Variants in RDX observed in about 807,000 individuals in gnomAD.
RDX encodes the protein deafness, autosomal recessive 24.
A neutral mutation model predicts 83.7 loss-of-function variants in RDX; 32 were observed. The observed-to-expected ratio is 0.38, with a 90% CI of 0.29 to 0.51. The LOEUF (loss-of-function observed/expected upper bound fraction) is 0.51, where lower values mean the gene tolerates loss of function less well. RDX is among the 20% of genes least tolerant of loss of function. The probability of loss-of-function intolerance (pLI) is 0.87; values close to 1 mark genes in which losing one functional copy is unlikely to be tolerated. For missense variants in RDX, 600 were observed against 689.9 expected (o/e 0.87, Z 1.46); for synonymous variants, 229 against 222.7 (o/e 1.03, Z -0.25).
downstream of RDX, chr11:110,229,350 A>T (rs542399418): frequency 6.6e-6 from 1 of 152,518 alleles, no homozygotes; most frequent in South Asian, 2.1e-4. Flanking sequence ...TCTACTTCTT[A>T]CTTTTAAGTT....
chr11:110,215,716 C>T lies in RDX; in HGVS notation c.1749-16038G>A, dbSNP rs191095674. Among the ~76,000 whole-genome samples the T allele has an allele frequency of 2.4e-4, 36 of 152,308 alleles. No homozygotes were observed. In the East Asian group the frequency reaches 5.6e-3, roughly 24 times the overall value. On this transcript the variant is annotated intron_variant, in intron 14 of 15. Transcript: ENST00000528498. Reference sequence around the variant, plus strand: ...TCCTTCCAAGAGCAAGTAAACATGTCTCAGTTGGCTTTAAACTGGAAAGGT... The same window carrying T: ...TCCTTCCAAGAGCAAGTAAACATGTTTCAGTTGGCTTTAAACTGGAAAGGT...
At chr11:110,254,797 T>C (rs1859478339) in intron 8 of RDX, among the ~76,000 whole-genome samples, 1 of 152,144 alleles carries the variant, frequency 6.6e-6, no homozygotes. Context: ...ACTTTTACCT[T>C]TTCAGTAACT....
chr11:110,279,608 T>C (rs1175195827), intron 2 of RDX, 73 bp downstream of exon 2: 2 of 1,000,554 alleles, frequency 2.0e-6, no homozygotes, highest in Admixed American at 1.8e-5. Flanking sequence ...CCAACATTCT[T>C]TGTCTTGTTC....
intron 13 of RDX, 141 bp from the exon 14 acceptor site, chr11:110,232,174 A>G: frequency 1.4e-6 from 1 of 707,146 alleles, no homozygotes; most frequent in South Asian, 1.7e-5. Flanking sequence ...AGTTTGTTTT[A>G]GTAATAGTGG....
In RDX at chr11:110,230,771, A is replaced by C. The variant is rs932980025; in HGVS notation, c.*1098T>G. ...ATTTAGCACTCTTAAGATATTCTGA[A>C]GGAAAATGAAATTTCGAAAGTATTT... On this transcript the variant is annotated 3_prime_UTR_variant, in exon 14 of 14. Transcript: ENST00000645495. 1 of 152,622 alleles carries C rather than the reference A, an allele frequency of 6.6e-6. No homozygotes were observed. The highest frequency in any genetic ancestry group is 1.5e-5 in the Non-Finnish European group (1 of 68,022). The allele number at this position is 152,622 out of a possible 1,614,324, so 9.5% of individuals were successfully genotyped here. A position where few individuals can be genotyped will look rare whatever the true frequency, so the allele number is the denominator to read the frequency against.
chr11:110,203,973 T>C (rs1195444607), intron 14 of RDX, among the ~76,000 whole-genome samples: 3 of 152,094 alleles, frequency 2.0e-5, no homozygotes, highest in African/African-American at 7.2e-5. Context: ...GCCTGGGAAA[T>C]GGAGGGTGCA....
At chr11:110,214,184 G>T (rs61900217) in intron 14 of RDX, among the ~76,000 whole-genome samples, 1 of 151,402 alleles carries the variant, frequency 6.6e-6, no homozygotes, top group Non-Finnish European at 1.5e-5. Flanking sequence ...GGAGAAGGAC[G>T]TGAACAGACA....
chr11:110,273,191 C>T (rs1860371845), intron 2 of RDX: 4 of 422,216 alleles, frequency 9.5e-6, no homozygotes, highest in Admixed American at 7.9e-5. Context: ...TCAGCCTGCA[C>T]AACAGAGCAA....
At chr11:110,213,243 C>T (rs1273826183) in intron 14 of RDX, among the ~76,000 whole-genome samples, 1 of 146,998 alleles carries the variant, frequency 6.8e-6, no homozygotes, top group African/African-American at 2.5e-5. Context: ...TTCACAATTG[C>T]TTCAAAGAAA....
At chr11:110,178,017 C>T (rs1036572197) in intron 15 of RDX, among the ~76,000 whole-genome samples, 1 of 152,144 alleles carries the variant, frequency 6.6e-6, no homozygotes, top group African/African-American at 2.4e-5. Flanking sequence ...CACACAGTGA[C>T]ATCCCAGGTC....
At chr11:110,202,770 T>C (rs926097957) in intron 14 of RDX, among the ~76,000 whole-genome samples, 5 of 151,672 alleles carry the variant, frequency 3.3e-5, no homozygotes, top group Non-Finnish European at 7.4e-5. Flanking sequence ...GCAGCAGATA[T>C]ATGAAAAGGT....
intron 2 of RDX, 65 bp from the exon 3 acceptor site, chr11:110,272,684 G>T: frequency 9.4e-7 from 1 of 1,067,730 alleles, no homozygotes; most frequent in South Asian, 1.3e-5. Flanking sequence ...AAACTTTTAT[G>T]ATTTTCTTTA....
chr11:110,256,153 A>C (rs1409977773), intron 7 of RDX, among the ~76,000 whole-genome samples: 2 of 152,150 alleles, frequency 1.3e-5, no homozygotes, highest in African/African-American at 2.4e-5. Flanking sequence ...TATTGTCCTA[A>C]TAACTAAGAC....
At chr11:110,221,322 G>A (rs1487721052) in intron 14 of RDX, among the ~76,000 whole-genome samples, 7 of 152,096 alleles carry the variant, frequency 4.6e-5, no homozygotes, top group African/African-American at 1.7e-4. Flanking sequence ...ATCAGGCTGG[G>A]TGTGGTAGCT....
chr11:110,191,805 G>A (rs1021420198), intron 15 of RDX, among the ~76,000 whole-genome samples: 4 of 152,158 alleles, frequency 2.6e-5, no homozygotes, highest in African/African-American at 9.7e-5. Context: ...GCAGCGAGCC[G>A]AGATCATGCC....
At chr11:110,264,659 A>T (rs1315969087) in intron 4 of RDX, 120 bp downstream of exon 4, 3 of 664,176 alleles carry the variant, frequency 4.5e-6, no homozygotes, top group Non-Finnish European at 7.6e-6. Flanking sequence ...GGTACCTCAT[A>T]ATGATTAACA....
chr11:110,209,231 G>A (rs1348030491), intron 14 of RDX, among the ~76,000 whole-genome samples: 10 of 152,248 alleles, frequency 6.6e-5, no homozygotes, highest in South Asian at 4.2e-4. Context: ...GGTGACGGAC[G>A]GCACCTGGAA....
chr11:110,221,062 C>T lies in RDX; in HGVS notation c.1748+10811G>A, dbSNP rs568211919. ...CAGGATCAGACCTCAGTGGCAGCGA[C>T]TGGCTAAAACAGCAATGGCAAGATG... On this transcript the variant is annotated intron_variant, in intron 14 of 15. Coordinates refer to the RDX transcript ENST00000528498. 2.0e-5 allele frequency among the ~76,000 whole-genome samples: 3 copies of T among 152,164 alleles called. No individual in the cohort carries two copies. In the South Asian group the frequency reaches 6.2e-4, roughly 32 times the overall value.
chr11:110,217,777 A>C (rs1251481172), intron 14 of RDX, among the ~76,000 whole-genome samples: 2 of 152,150 alleles, frequency 1.3e-5, no homozygotes, highest in Non-Finnish European at 2.9e-5. Context: ...TCCTGAGGCG[A>C]CTGCTGACAA....
Sources: gnomAD v4.1 joint callset for allele counts (sites outside exome capture counted in the v4.1 genomes callset) on GRCh38, gnomAD v4.1.1 for gene constraint, MANE v1.5 for transcripts, NCBI Gene and HGNC (gene_info 2026-07-23, HGNC 2026-07-21) for gene names.